PHF14: variants seen among roughly 807,000 people sequenced by gnomAD.
The protein encoded by PHF14 is PHD finger protein 14.
A neutral mutation model predicts 117.9 loss-of-function variants in PHF14; 55 were observed. The ratio of observed to expected loss-of-function variants is 0.47; its 90% CI spans 0.38 to 0.58. The LOEUF is 0.58. Among genes scored for constraint, PHF14 ranks in the 20% least tolerant of loss-of-function variants. PHF14 has a pLI of 0.00. For missense variants in PHF14, 978 were observed against 1,122.2 expected, an observed-to-expected ratio of 0.87 and a Z score of 1.84; for synonymous variants, 409 against 368.6, an observed-to-expected ratio of 1.11 and a Z score of -1.26.
intron 16 of PHF14, among the ~76,000 whole-genome samples, chr7:11,093,921 G>T (rs1786745098): frequency 1.3e-5 from 2 of 152,094 alleles, no homozygotes; most frequent in African/African-American, 4.8e-5. Flanking sequence ...ACTCCTGTAG[G>T]AGTAGAGGAT....
chr7:11,011,775 T>C (rs1277470326), intron 4 of PHF14, among the ~76,000 whole-genome samples: 1 of 152,200 alleles, frequency 6.6e-6, no homozygotes, highest in African/African-American at 2.4e-5. Context: ...AAGGGAAATT[T>C]GATAATAAGT....
At chr7:11,154,633 A>T (rs1204700355) in intron 17 of PHF14, among the ~76,000 whole-genome samples, 1 of 152,122 alleles carries the variant, frequency 6.6e-6, no homozygotes, top group Admixed American at 6.6e-5. Context: ...TTATTGCTTT[A>T]TTCAGAGAGA....
At chr7:11,096,968 T>G (rs1423933708) in intron 16 of PHF14, among the ~76,000 whole-genome samples, 1 of 149,232 alleles carries the variant, frequency 6.7e-6, no homozygotes, top group East Asian at 2.0e-4. Flanking sequence ...AATAGTAGAC[T>G]AGAACTTTTT....
intron 3 of PHF14, among the ~76,000 whole-genome samples, chr7:10,985,778 A>G (rs1169599128): frequency 6.7e-6 from 1 of 148,810 alleles, no homozygotes; most frequent in African/African-American, 2.5e-5. Flanking sequence ...TCAGTCTCCC[A>G]AGTAGCTGGG....
Position 11,008,101 on chromosome 7 carries a change from A to T in PHF14, c.1046-5646A>T, listed in dbSNP as rs187498056. On this transcript the variant is annotated intron_variant, in intron 4 of 17. Coordinates refer to ENST00000634607, the MANE Select transcript of PHF14 (RefSeq NM_001007157.2). ...AATGTCAGGTATATGTTAGTACTTGACAGAAGTTAGGTAGTGTACTTACCA... is the reference window on the plus strand; with the variant it reads ...AATGTCAGGTATATGTTAGTACTTGTCAGAAGTTAGGTAGTGTACTTACCA... Among the ~76,000 whole-genome samples the T allele has an allele frequency of 2.6e-5, 4 of 152,280 alleles. No individual in the cohort carries two copies. The East Asian group carries it at 7.7e-4, about 29-fold the overall frequency.
intron 16 of PHF14, among the ~76,000 whole-genome samples, chr7:11,082,927 A>G (rs1429940942): frequency 6.6e-6 from 1 of 151,982 alleles, no homozygotes; most frequent in Non-Finnish European, 1.5e-5. Flanking sequence ...CCTTTACTAC[A>G]TGCCCAGGCA....
At chr7:11,066,414 A>T (rs754949400) in intron 16 of PHF14, among the ~76,000 whole-genome samples, 1 of 151,940 alleles carries the variant, frequency 6.6e-6, no homozygotes, top group Non-Finnish European at 1.5e-5. Context: ...TTTTATTTTT[A>T]ATTAACTTTT....
At chr7:11,106,741 T>C (rs1049081136) in intron 16 of PHF14, 1 of 983,926 alleles carries the variant, frequency 1.0e-6, no homozygotes, top group African/African-American at 1.7e-5. Context: ...ACTAATTTTT[T>C]TGAACATTCT....
intron 3 of PHF14, among the ~76,000 whole-genome samples, chr7:10,989,782 C>G (rs1321883530): frequency 1.3e-5 from 2 of 152,142 alleles, no homozygotes; most frequent in African/African-American, 4.8e-5. Flanking sequence ...GGGCATGCAT[C>G]ACCACGCCCA....
intron 16 of PHF14, among the ~76,000 whole-genome samples, chr7:11,079,154 A>C (rs943399594): frequency 6.6e-6 from 1 of 152,142 alleles, no homozygotes; most frequent in Non-Finnish European, 1.5e-5. Context: ...AAACATACCT[A>C]TATATATAGT....
chr7:11,025,877 C>T (rs1019840840), intron 6 of PHF14, among the ~76,000 whole-genome samples: 1 of 152,004 alleles, frequency 6.6e-6, no homozygotes, highest in Admixed American at 6.6e-5. Flanking sequence ...TTTGGGAGGC[C>T]GAGTTGGGTG....
intron 8 of PHF14, 145 bp from the exon 9 acceptor site, chr7:11,036,273 A>G (rs1004489796): frequency 1.5e-6 from 1 of 668,680 alleles, no homozygotes; most frequent in Non-Finnish European, 2.6e-6. Context: ...GTATACCTTA[A>G]GGATCATTCA....
chr7:11,151,934 C>G (rs966724675), intron 17 of PHF14, among the ~76,000 whole-genome samples: 2 of 152,082 alleles, frequency 1.3e-5, no homozygotes, highest in Admixed American at 6.6e-5. Flanking sequence ...ATACATTTTT[C>G]CTCTTCTATT....
intron 3 of PHF14, among the ~76,000 whole-genome samples, chr7:10,987,390 C>A (rs1194353607): frequency 3.3e-5 from 5 of 151,718 alleles, no homozygotes; most frequent in African/African-American, 1.2e-4. Context: ...TAAAATTTAG[C>A]CTATTGTATA....
At chr7:11,103,555 T>G (rs564801886) in intron 16 of PHF14, 3 of 985,040 alleles carry the variant, frequency 3.0e-6, no homozygotes, top group Non-Finnish European at 3.6e-6. Flanking sequence ...TTGAACTGAT[T>G]TAGAAGAGAC....
At chr7:11,124,048 CCTTTT>C (rs1183220352) in intron 17 of PHF14, among the ~76,000 whole-genome samples, 2 of 127,510 alleles carry the variant, frequency 1.6e-5, no homozygotes, top group African/African-American at 5.1e-5. Context: ...CTTACTTTTT[CCTTTT>C]CTTTTTTCTA....
chr7:11,010,587 C>G (rs977104124), intron 4 of PHF14, among the ~76,000 whole-genome samples: 6 of 151,688 alleles, frequency 4.0e-5, no homozygotes, highest in Non-Finnish European at 8.8e-5. Context: ...TTAATATTAA[C>G]TATATTTAGC....
intron 16 of PHF14, among the ~76,000 whole-genome samples, chr7:11,067,665 TAAA>T (rs1785468807): frequency 1.3e-5 from 2 of 152,166 alleles, no homozygotes; most frequent in African/African-American, 2.4e-5. Flanking sequence ...GGATAATTGA[TAAA>T]GAAGGAAATG....
chr7:11,122,543 T>C (rs1787808165), intron 17 of PHF14, among the ~76,000 whole-genome samples: 1 of 150,776 alleles, frequency 6.6e-6, no homozygotes, highest in Non-Finnish European at 1.5e-5. Flanking sequence ...TATTTCCCTT[T>C]CTACCCCCTG....
Sources: allele counts gnomAD v4.1 joint callset (sites outside exome capture counted in the v4.1 genomes callset), GRCh38; gene constraint gnomAD v4.1.1; transcripts MANE v1.5; gene names NCBI Gene and HGNC (gene_info 2026-07-23, HGNC 2026-07-21).